SYNM: variants seen among roughly 807,000 people sequenced by gnomAD.
The protein encoded by SYNM is synemin.
Under a neutral mutation model 104.0 loss-of-function variants are expected in SYNM, and 95 were observed. The ratio of observed to expected loss-of-function variants is 0.91; its 90% CI spans 0.77 to 1.08. The LOEUF (loss-of-function observed/expected upper bound fraction) is 1.08. SYNM is among the 50% of genes least tolerant of loss of function. The probability of loss-of-function intolerance (pLI) is 0.00; values close to 1 mark genes in which losing one functional copy is unlikely to be tolerated. For synonymous variants in SYNM, 918 were observed against 869.0 expected (o/e 1.06, Z -0.99); for missense variants, 2,150 against 2,052.2 (o/e 1.05, Z -0.92).
chr15:99,105,474 T>G lies in SYNM; in HGVS notation c.275T>G (p.Leu92Arg). The change falls in exon 1 of 4, where the codon CTG (leucine) becomes CGG (arginine). Residue 92 changes from leucine to arginine, a missense_variant. By Grantham distance (102) the Leu-to-Arg change is moderately radical (BLOSUM62 -2). Transcript: ENST00000336292. ...EGERDALRRE[L>R]RELQRLDAEE... The stretch of plus-strand genomic sequence containing the variant: ...GAGCGGGACGCTCTGCGGCGCGAGC[T>G]GCGGGAGCTGCAGCGCCTGGATGCG... 1 of 1,382,718 alleles carries G rather than the reference T, an allele frequency of 7.2e-7. No homozygotes were observed. Among genetic ancestry groups the G allele is most frequent in the Non-Finnish European group, 9.3e-7 (1 of 1,072,104 alleles). 85.7% of individuals were successfully genotyped at this position (1,382,718 alleles called of 1,614,324 possible).
Position 99,130,674 on chromosome 15 carries a change from G to A in SYNM, c.2314G>A (p.Glu772Lys). Residue 772 changes from glutamate (E) to lysine (K), a missense_variant, in exon 4 of 4, where the codon GAG becomes AAG. Transcript: ENST00000336292. ...GTTTTCCGTCCCATTCAAAGTGGAG[G>A]AGGTCGAAGATGTGTCGCCAGGCCC... ...EEFSVPFKVE[E>K]VEDVSPGPWG... 6.2e-7 allele frequency: 1 copy of A among 1,613,914 alleles called. No homozygotes were observed. Among genetic ancestry groups the A allele is most frequent in the Non-Finnish European group, 8.5e-7 (1 of 1,179,854 alleles).
chr15:99,131,283 G>A lies in SYNM; in HGVS notation c.2923G>A (p.Gly975Arg), dbSNP rs782612214. The A allele has an allele frequency of 5.6e-6, 9 of 1,612,314 alleles. No individual in the cohort carries two copies. Among genetic ancestry groups the A allele is most frequent in the East Asian group, 2.2e-5 (1 of 44,830 alleles). The change falls in exon 4 of 4, where the codon GGG (glycine) becomes AGG (arginine). Residue 975 changes from glycine (G) to arginine (R), a missense_variant. Transcript: ENST00000336292. This position sits in a 1 kb window ranked among gnomAD's most constrained non-coding sequence, Gnocchi z 4.3. Reference protein sequence around the residue: ...REELSALTREGQGGPGSVSVD... With the variant: ...REELSALTRERQGGPGSVSVD... ...GGAGCTGTCCGCCCTCACCAGAGAG[G>A]GGCAGGGTGGGCCGGGGAGCGTTTC... is the stretch of plus-strand genomic sequence containing the variant.
At chr15:99,139,437 G>C, downstream of SYNM, 1 of 1,613,682 alleles carries the variant, frequency 6.2e-7, no homozygotes, top group Non-Finnish European at 8.5e-7. Context: ...GGCTATGGAA[G>C]TGTCGCTGAG....
rs1555485944 is a variant in SYNM at position 99,131,644 on chromosome 15, C to T, written c.3284C>T (p.Pro1095Leu). 6.2e-7 allele frequency: 1 copy of T among 1,611,432 alleles called. No individual in the cohort carries two copies. The change falls in exon 4 of 4, where the codon CCC becomes CTC. Residue 1095 changes from proline (P) to leucine (L), a missense_variant. By Grantham distance (98) the Pro-to-Leu change is moderately conservative (BLOSUM62 -3). Coordinates refer to ENST00000336292, the MANE Select transcript of SYNM (RefSeq NM_145728.3). The surrounding 1 kb of genome is among the most constrained non-coding windows in gnomAD (Gnocchi z 4.3). ...TCTCACAGCTCGGGACAGCGCACTC[C>T]CCAGGGCCCAGTGTCGGCCACTGTG... ...GASHSSGQRT[P>L]QGPVSATVEV...
At chr15:99,129,078 C>A (rs971223295) in intron 3 of SYNM, 13 of 394,838 alleles carry the variant, frequency 3.3e-5, no homozygotes, top group Non-Finnish European at 5.5e-5. Flanking sequence ...CTGGGATATG[C>A]ATTGTGCTTT....
At chr15:99,124,734 C>A (rs1388275288) in intron 2 of SYNM, among the ~76,000 whole-genome samples, 1 of 152,152 alleles carries the variant, frequency 6.6e-6, no homozygotes, top group African/African-American at 2.4e-5. Context: ...ACTGGTGAGC[C>A]GTATGCCCTT....
At chr15:99,119,035 C>T (rs181113149) in intron 2 of SYNM, among the ~76,000 whole-genome samples, 139 of 152,238 alleles carry the variant, frequency 9.1e-4, no homozygotes, top group African/African-American at 3.3e-3. Flanking sequence ...GTGTGGGGCT[C>T]GAGGTACTGA....
intron 1 of SYNM, among the ~76,000 whole-genome samples, chr15:99,110,797 A>G (rs1596118932): frequency 6.6e-6 from 1 of 152,174 alleles, no homozygotes; most frequent in East Asian, 1.9e-4. Context: ...CTCTCTCCCA[A>G]GCTTTTGCAG....
chr15:99,113,772 T>G, intron 2 of SYNM, 57 bp downstream of exon 2: 2 of 1,598,646 alleles, frequency 1.3e-6, no homozygotes, highest in Non-Finnish European at 1.7e-6. Context: ...AACTTGCACA[T>G]GAAGGAAACT....
At chr15:99,137,022 T>C (rs1179975276), downstream of SYNM, 1 of 152,254 alleles carries the variant, frequency 6.6e-6, no homozygotes, top group African/African-American at 2.4e-5. Flanking sequence ...TCTGCTGTCA[T>C]AGCACCAGCC....
At chr15:99,124,757 G>C (rs567169350) in intron 2 of SYNM, among the ~76,000 whole-genome samples, 2 of 152,164 alleles carry the variant, frequency 1.3e-5, no homozygotes, top group Non-Finnish European at 2.9e-5. Context: ...CCAAGACGCT[G>C]TCTCTGCACC....
chr15:99,105,429 C>T lies in SYNM; in HGVS notation c.230C>T (p.Ala77Val), dbSNP rs1449939254. The T allele has an allele frequency of 6.1e-6, 9 of 1,475,072 alleles. No individual in the cohort carries two copies. Among genetic ancestry groups the T allele is most frequent in the South Asian group, 1.3e-5 (1 of 77,218 alleles). 91.4% of individuals were successfully genotyped at this position (1,475,072 alleles called of 1,614,324 possible). The change falls in exon 1 of 4, where the codon GCC (alanine) becomes GTC (valine). Residue 77 changes from alanine (A) to valine (V), a missense_variant. By Grantham distance (64) the Ala-to-Val change is moderately conservative (BLOSUM62 0). Transcript: ENST00000336292. ...LRQQLDELSW[A>V]TALAEGERDA... is the part of the protein sequence containing the mutation. ...CAGCAGCTGGACGAGCTGAGCTGGG[C>T]CACTGCGCTGGCGGAGGGCGAGCGG... is the stretch of plus-strand genomic sequence containing the variant.
rs921556117 is a variant in SYNM at position 99,134,461 on chromosome 15, G to A, written c.*1403G>A. ...TAGCATCATATATAAAAAGAGTTTC[G>A]CTAGCAGCGCATTTTTTTTAGTTCA... On this transcript the variant is annotated 3_prime_UTR_variant, in exon 4 of 4. Coordinates refer to ENST00000336292, the MANE Select transcript of SYNM (RefSeq NM_145728.3). The A allele has an allele frequency of 3.9e-5, 6 of 152,166 alleles. No individual in the cohort carries two copies. Among genetic ancestry groups the A allele is most frequent in the African/African-American group, 1.4e-4 (6 of 41,414 alleles). 9.4% of individuals were successfully genotyped at this position (152,166 alleles called of 1,614,324 possible). A position where few individuals can be genotyped will look rare whatever the true frequency, so the allele number is the denominator to read the frequency against.
chr15:99,131,608 C>T lies in SYNM; in HGVS notation c.3248C>T (p.Ala1083Val). 1.2e-6 allele frequency: 2 copies of T among 1,610,368 alleles called. No homozygotes were observed. ...ATCCCTTCAGGCGAGAGCGAGGTTG[C>T]TGGTGGGGCCTCTCACAGCTCGGGA... is the stretch of plus-strand genomic sequence containing the variant. ...LYIPSGESEV[A>V]GGASHSSGQR... Residue 1083 changes from alanine to valine, a missense_variant, in exon 4 of 4, where the codon GCT becomes GTT. By Grantham distance (64) the Ala-to-Val change is moderately conservative. Coordinates refer to ENST00000336292, the MANE Select transcript of SYNM (RefSeq NM_145728.3). This position sits in a 1 kb window ranked among gnomAD's most constrained non-coding sequence, Gnocchi z 4.3.
chr15:99,132,617 C>T lies in SYNM; in HGVS notation c.4257C>T (p.Ile1419=), dbSNP rs1555486152. The change falls in exon 4 of 4, where the codon ATC becomes ATT. Residue 1419 remains isoleucine, a synonymous_variant. Transcript: ENST00000336292. ...CGGAAACCTCTGAACACATTGCCAT[C>T]CGTGGACCCGTGTCCAGAACATTTG... is the stretch of plus-strand genomic sequence containing the variant. ...TETETSEHIA[I]RGPVSRTFVL... 1.9e-6 allele frequency: 3 copies of T among 1,614,056 alleles called. No individual in the cohort carries two copies. The highest frequency in any genetic ancestry group is 2.2e-5 in the East Asian group (1 of 44,892).
chr15:99,123,385 G>A (rs2067419385), intron 2 of SYNM, among the ~76,000 whole-genome samples: 2 of 150,578 alleles, frequency 1.3e-5, no homozygotes, highest in Admixed American at 6.6e-5. Context: ...AGCGATGCCC[G>A]GAAATGGCCC....
At position 99,105,868 on chromosome 15, in the gene SYNM, G is replaced by T. The variant is rs567113863; in HGVS notation, c.669G>T (p.Ala223=). 1.6e-5 allele frequency: 25 copies of T among 1,542,594 alleles called. No individual in the cohort carries two copies. Among genetic ancestry groups the T allele is most frequent in the Non-Finnish European group, 2.0e-5 (23 of 1,146,746 alleles). Residue 223 remains alanine, a synonymous_variant, in exon 1 of 4, where the codon GCG becomes GCT. Coordinates refer to ENST00000336292, the MANE Select transcript of SYNM (RefSeq NM_145728.3). ...GCGGCCAGGAGAGCAGACTCCAGGC[G>T]GAGGAAGAGACGCGGCTGTGCGCGC... ...LRRGQESRLQ[A]EEETRLCAQE...
chr15:99,121,619 C>T (rs782742038), intron 2 of SYNM, among the ~76,000 whole-genome samples: 5 of 152,138 alleles, frequency 3.3e-5, no homozygotes, highest in Non-Finnish European at 5.9e-5. Context: ...CTCTCACTGC[C>T]GATGTGAAGA....
chr15:99,120,403 G>T (rs1164492327), intron 2 of SYNM, among the ~76,000 whole-genome samples: 8 of 152,180 alleles, frequency 5.3e-5, no homozygotes, highest in African/African-American at 1.9e-4. Context: ...GGTTTTCCAG[G>T]CAGAGGGAAT....
Sources: gnomAD v4.1 joint callset for allele counts (sites outside exome capture counted in the v4.1 genomes callset) on GRCh38, gnomAD v4.1.1 for gene constraint, Gnocchi (gnomAD v3.1) non-coding constraint, MANE v1.5 for transcripts, NCBI Gene and HGNC (gene_info 2026-07-23, HGNC 2026-07-21) for gene names.